The following TCF4 variants were observed in gnomAD, a reference collection of about 807,000 sequenced individuals.
The protein encoded by TCF4 is transcription factor 4.
Under a neutral mutation model 82.1 loss-of-function variants are expected in TCF4, and 3 were observed. The observed-to-expected ratio is 0.04, with a 90% CI of 0.02 to 0.09. The LOEUF is 0.09. Among genes scored for constraint, TCF4 ranks in the 10% least tolerant of loss-of-function variants. The pLI, the probability that TCF4 is intolerant of heterozygous loss-of-function variation, is 1.00. For synonymous variants in TCF4, 276 were observed against 309.6 expected (o/e 0.89, Z 1.14); for missense variants, 518 against 852.7 (o/e 0.61, Z 4.89).
intron 6 of TCF4, among the ~76,000 whole-genome samples, chr18:55,371,759 A>G (rs759424835): frequency 5.3e-5 from 8 of 152,234 alleles, no homozygotes; most frequent in Middle Eastern, 3.4e-3. Context: ...TGTCTCAAAC[A>G]TGCATGGAAC....
chr18:55,511,077 T>A (rs2096823078), intron 3 of TCF4, among the ~76,000 whole-genome samples: 2 of 152,130 alleles, frequency 1.3e-5, no homozygotes, highest in South Asian at 2.1e-4. Context: ...GCTGGCAAAC[T>A]GTCGTCATTT....
chr18:55,283,375 A>T (rs1363122770), intron 8 of TCF4, among the ~76,000 whole-genome samples: 1 of 152,186 alleles, frequency 6.6e-6, no homozygotes, highest in Admixed American at 6.5e-5. Context: ...AATGAAACAA[A>T]GGTATGCCTC....
At chr18:55,614,103 C>T (rs1414194008) in intron 2 of TCF4, among the ~76,000 whole-genome samples, 1 of 152,122 alleles carries the variant, frequency 6.6e-6, no homozygotes, top group Non-Finnish European at 1.5e-5. Context: ...CTGTATTGCT[C>T]AGACTGGTCT....
intron 8 of TCF4, among the ~76,000 whole-genome samples, chr18:55,314,286 G>C (rs1045775394): frequency 6.6e-6 from 1 of 152,000 alleles, no homozygotes; most frequent in Non-Finnish European, 1.5e-5. Context: ...TGTAATAACA[G>C]GTGCAGAAAT....
chr18:55,620,306 C>G (rs566727543), intron 2 of TCF4, among the ~76,000 whole-genome samples: 70 of 152,232 alleles, frequency 4.6e-4, no homozygotes, highest in Non-Finnish European at 9.3e-4. Context: ...TTAAGTGGGA[C>G]CAAATCTGTG....
At chr18:55,401,015 G>A in intron 6 of TCF4, 1 of 1,288,998 alleles carries the variant, frequency 7.8e-7, no homozygotes, top group African/African-American at 1.5e-5. Flanking sequence ...TCACACAGTG[G>A]GGAATCATTT....
At chr18:55,523,509 A>G (rs2096951219) in intron 3 of TCF4, among the ~76,000 whole-genome samples, 1 of 152,036 alleles carries the variant, frequency 6.6e-6, no homozygotes, top group Non-Finnish European at 1.5e-5. Context: ...AATTGCATAC[A>G]TATTTTAAAT....
chr18:55,621,532 T>TATATAATATATATATATATA (rs2097718879), intron 2 of TCF4, among the ~76,000 whole-genome samples: 18 of 32,890 alleles, frequency 5.5e-4, no homozygotes, highest in African/African-American at 2.3e-3. Context: ...TATTATATAA[T>TATATAATATATATATATATA]ATATATATTA....
intron 5 of TCF4, among the ~76,000 whole-genome samples, chr18:55,446,811 T>C (rs1356933837): frequency 6.6e-6 from 1 of 151,760 alleles, no homozygotes; most frequent in Non-Finnish European, 1.5e-5. Flanking sequence ...GGTGAAACCC[T>C]GTCTCTACTA....
At chr18:55,349,003 T>C (rs2081784007) in intron 8 of TCF4, among the ~76,000 whole-genome samples, 1 of 152,160 alleles carries the variant, frequency 6.6e-6, no homozygotes, top group Non-Finnish European at 1.5e-5. Flanking sequence ...AATCCACCCC[T>C]AACTTCAAGC....
intron 3 of TCF4, chr18:55,510,752 A>C: frequency 2.3e-6 from 3 of 1,325,836 alleles, no homozygotes; most frequent in Non-Finnish European, 2.9e-6. Context: ...GCTCCATGGA[A>C]ACAGAACATG....
At chr18:55,335,210 T>C (rs913509561) in intron 8 of TCF4, among the ~76,000 whole-genome samples, 1 of 152,212 alleles carries the variant, frequency 6.6e-6, no homozygotes, top group Admixed American at 6.5e-5. Context: ...ATGCCCTGAA[T>C]TACCTAGGCA....
At chr18:55,287,588 G>A (rs117052312) in intron 8 of TCF4, among the ~76,000 whole-genome samples, 1 of 152,162 alleles carries the variant, frequency 6.6e-6, no homozygotes, top group African/African-American at 2.4e-5. Context: ...AGACCTGGGC[G>A]ATCCACAAAG....
chr18:55,332,329 A>G (rs1569046251), intron 8 of TCF4: 1 of 152,112 alleles, frequency 6.6e-6, no homozygotes, highest in Non-Finnish European at 1.5e-5. Flanking sequence ...GAAAAAAAAA[A>G]ACAGCTTAAA....
intron 3 of TCF4, 109 bp downstream of exon 3, chr18:55,585,171 T>TA: frequency 4.0e-6 from 4 of 996,004 alleles, no homozygotes; most frequent in Non-Finnish European, 6.5e-6. Flanking sequence ...GATTACAGGC[T>TA]AAAATTCAAT....
chr18:55,302,425 C>T (rs1435930854), intron 8 of TCF4: 17 of 1,536,216 alleles, frequency 1.1e-5, no homozygotes, highest in Non-Finnish European at 1.4e-5. Flanking sequence ...CCTCTGCTTT[C>T]CCTTCGTGGT....
At chr18:55,434,413 G>T (rs1421078578) in intron 5 of TCF4, among the ~76,000 whole-genome samples, 9 of 128,246 alleles carry the variant, frequency 7.0e-5, no homozygotes, top group African/African-American at 2.6e-4. Context: ...AGCAATACAG[G>T]ACATTCTTTT....
intron 5 of TCF4, among the ~76,000 whole-genome samples, chr18:55,431,365 C>T (rs968951891): frequency 2.0e-5 from 3 of 152,154 alleles, no homozygotes; most frequent in African/African-American, 2.4e-5. Flanking sequence ...CTGCAACCTC[C>T]GCCTTCCGGG....
At chr18:55,437,484 T>G (rs1430091606) in intron 5 of TCF4, among the ~76,000 whole-genome samples, 3 of 152,254 alleles carry the variant, frequency 2.0e-5, no homozygotes, top group South Asian at 2.1e-4. Context: ...ATTAATTTTT[T>G]GCACACAAAT....
Sources: allele counts gnomAD v4.1 joint callset (sites outside exome capture counted in the v4.1 genomes callset), GRCh38; gene constraint gnomAD v4.1.1; transcripts MANE v1.5; gene names NCBI Gene and HGNC (gene_info 2026-07-23, HGNC 2026-07-21).